Variants in NAV2 observed in about 807,000 individuals in gnomAD.
The protein encoded by NAV2 is helicase, APC down-regulated 1.
NAV2 carries 54 observed loss-of-function variants against 223.2 expected under a neutral mutation model. The ratio of observed to expected loss-of-function variants is 0.24; its 90% CI spans 0.19 to 0.30. The LOEUF (loss-of-function observed/expected upper bound fraction) is 0.30. Among genes scored for constraint, NAV2 ranks in the 10% least tolerant of loss-of-function variants. NAV2 has a pLI of 1.00. For synonymous variants in NAV2, 1,279 were observed against 1,239.3 expected (o/e 1.03, Z -0.67); for missense variants, 2,806 against 3,147.5 (o/e 0.89, Z 2.60).
At chr11:19,957,540 C>G (rs777996962) in intron 10 of NAV2, among the ~76,000 whole-genome samples, 1 of 152,150 alleles carries the variant, frequency 6.6e-6, no homozygotes, top group South Asian at 2.1e-4. Context: ...ATCAGTCATC[C>G]CTGATGGCTG....
In NAV2 at chr11:20,020,826, C is replaced by T. The variant is rs117374519; in HGVS notation, c.2769-15133C>T. Among the ~76,000 whole-genome samples the T allele has an allele frequency of 2.3e-3, 345 of 152,208 alleles. 1 individual carries two copies. Among genetic ancestry groups the T allele is most frequent in the Non-Finnish European group, 3.5e-3 (236 of 68,010 alleles). On this transcript the variant is annotated intron_variant, in intron 11 of 37. Coordinates refer to ENST00000349880, the MANE Select transcript of NAV2 (RefSeq NM_145117.5). ...TGACTTGCAGGGCCCCATTTAGGCA[C>T]TCTCCTCTCTCGCTGTACCCTTGGA...
chr11:19,484,389 T>A (rs1305946874), intron 1 of NAV2, among the ~76,000 whole-genome samples: 1 of 152,240 alleles, frequency 6.6e-6, no homozygotes, highest in Admixed American at 6.5e-5. Flanking sequence ...AAGCTCTGGC[T>A]GTTAGAAAGC....
intron 4 of NAV2, among the ~76,000 whole-genome samples, chr11:19,877,227 T>G (rs2062893300): frequency 6.6e-6 from 1 of 151,726 alleles, no homozygotes; most frequent in African/African-American, 2.4e-5. Context: ...AAGGATTAAA[T>G]GAGATCATGC....
intron 6 of NAV2, among the ~76,000 whole-genome samples, chr11:19,929,444 G>A (rs568881667): frequency 6.6e-6 from 1 of 152,164 alleles, no homozygotes; most frequent in South Asian, 2.1e-4. Flanking sequence ...AGTGTAGAAT[G>A]TTGATGACCT....
At chr11:19,698,891 T>A (rs2049426192) in intron 1 of NAV2, among the ~76,000 whole-genome samples, 1 of 152,090 alleles carries the variant, frequency 6.6e-6, no homozygotes, top group Admixed American at 6.6e-5. Context: ...GAAGACCACT[T>A]AGAGGATTCC....
chr11:19,363,487 C>A (rs887926972), intron 1 of NAV2, among the ~76,000 whole-genome samples: 1 of 152,150 alleles, frequency 6.6e-6, no homozygotes, highest in Non-Finnish European at 1.5e-5. Context: ...CCAGCTAATA[C>A]GTGATGAAAC....
At chr11:19,726,542 G>T (rs1055270700) in intron 1 of NAV2, among the ~76,000 whole-genome samples, 1 of 152,222 alleles carries the variant, frequency 6.6e-6, no homozygotes, top group Non-Finnish European at 1.5e-5. Context: ...CCTTATCAGA[G>T]AGGTGCCTTT....
intron 1 of NAV2, among the ~76,000 whole-genome samples, chr11:19,429,055 C>T (rs1292821483): frequency 1.3e-5 from 2 of 152,180 alleles, no homozygotes; most frequent in South Asian, 2.1e-4. Flanking sequence ...AATGGACCTC[C>T]ATCCTTTTCT....
chr11:19,916,321 G>A (rs532254756), intron 6 of NAV2, among the ~76,000 whole-genome samples: 13 of 152,240 alleles, frequency 8.5e-5, no homozygotes, highest in Admixed American at 2.0e-4. Flanking sequence ...GCAGCCCAAA[G>A]CATCACAGGG....
intron 1 of NAV2, among the ~76,000 whole-genome samples, chr11:19,444,718 A>G (rs1419059448): frequency 6.6e-6 from 1 of 151,102 alleles, no homozygotes; most frequent in Non-Finnish European, 1.5e-5. Flanking sequence ...TTCCTTTATT[A>G]TTATTATTAC....
At chr11:19,989,829 AC>A (rs1302098831) in intron 11 of NAV2, among the ~76,000 whole-genome samples, 1 of 151,940 alleles carries the variant, frequency 6.6e-6, no homozygotes, top group African/African-American at 2.4e-5. Flanking sequence ...TGGGATTCAA[AC>A]CCAGGCCTGT....
intron 11 of NAV2, among the ~76,000 whole-genome samples, chr11:19,991,105 G>A (rs2051287064): frequency 6.6e-6 from 1 of 152,156 alleles, no homozygotes. Context: ...TTTTTGCGAA[G>A]CACCTAAGAC....
intron 3 of NAV2, among the ~76,000 whole-genome samples, chr11:19,858,794 C>A (rs999301852): frequency 6.6e-6 from 1 of 152,148 alleles, no homozygotes; most frequent in Non-Finnish European, 1.5e-5. Context: ...ATTACATATT[C>A]GGAGAAAGGC....
intron 37 of NAV2, among the ~76,000 whole-genome samples, chr11:20,117,253 T>A (rs1172527593): frequency 6.6e-6 from 1 of 152,210 alleles, no homozygotes; most frequent in Non-Finnish European, 1.5e-5. Context: ...TGACCCGTAG[T>A]ATGTAAACAA....
At chr11:19,645,718 T>G (rs2047797265) in intron 1 of NAV2, among the ~76,000 whole-genome samples, 1 of 151,460 alleles carries the variant, frequency 6.6e-6, no homozygotes, top group East Asian at 2.0e-4. Flanking sequence ...ATTTATTAGG[T>G]TGGTGCAAAA....
At chr11:19,447,406 G>A (rs564897309) in intron 1 of NAV2, among the ~76,000 whole-genome samples, 1 of 152,270 alleles carries the variant, frequency 6.6e-6, no homozygotes, top group South Asian at 2.1e-4. Context: ...CCTGGGCTCT[G>A]GGGTTTGGTA....
chr11:19,580,546 A>G (rs2045687183), intron 1 of NAV2, among the ~76,000 whole-genome samples: 1 of 152,116 alleles, frequency 6.6e-6, no homozygotes, highest in Non-Finnish European at 1.5e-5. Context: ...TAATCCATGA[A>G]TCTCTCAATA....
chr11:20,024,511 A>G lies in NAV2; in HGVS notation c.2769-11448A>G, dbSNP rs144082196. Among the ~76,000 whole-genome samples the G allele has an allele frequency of 2.5e-3, 379 of 152,316 alleles. 2 individuals carry two copies. Among genetic ancestry groups the G allele is most frequent in the Non-Finnish European group, 4.5e-3 (308 of 68,028 alleles). ...GAGGGAGAAGATCTACACCCAGCATATTAATGCTGACCAAAGCTATTGGCG... is the reference window on the plus strand; with the variant it reads ...GAGGGAGAAGATCTACACCCAGCATGTTAATGCTGACCAAAGCTATTGGCG... On this transcript the variant is annotated intron_variant, in intron 11 of 37. Transcript: ENST00000349880.
At chr11:19,960,181 G>C (rs4409798) in intron 10 of NAV2, among the ~76,000 whole-genome samples, 150,394 of 152,300 alleles carry the variant, frequency 0.99, 74,281 homozygotes, top group Middle Eastern at 1. Context: ...GTTTGATACT[G>C]TACTTTTTGT....
Sources: gnomAD v4.1 joint callset for allele counts (sites outside exome capture counted in the v4.1 genomes callset) on GRCh38, gnomAD v4.1.1 for gene constraint, MANE v1.5 for transcripts, NCBI Gene and HGNC (gene_info 2026-07-23, HGNC 2026-07-21) for gene names.